The following CDHR1 variants were observed in gnomAD, a reference collection of about 807,000 sequenced individuals.
The protein encoded by CDHR1 is cadherin-related family member 1.
In CDHR1, 61 loss-of-function variants were observed where a neutral mutation model predicts 72.1. The observed-to-expected ratio is 0.85, with a 90% CI of 0.69 to 1.05. The LOEUF is 1.05. CDHR1 is among the 50% of genes least tolerant of loss of function. The pLI, the probability that CDHR1 is intolerant of heterozygous loss-of-function variation, is 0.00. For missense variants in CDHR1, 1,186 were observed against 1,115.7 expected (o/e 1.06, Z -0.90); for synonymous variants, 470 against 448.1 (o/e 1.05, Z -0.62).
At chr10:84,205,531 C>CACAT (rs1301686982) in intron 9 of CDHR1, among the ~76,000 whole-genome samples, 4 of 151,402 alleles carry the variant, frequency 2.6e-5, no homozygotes, top group African/African-American at 9.7e-5. Context: ...CACACACACA[C>CACAT]ACACACACAC....
chr10:84,215,931 TGAA>T lies in CDHR1; in HGVS notation c.*1314_*1316del, dbSNP rs1842419419. 1.0e-6 allele frequency: 1 copy of T among 985,302 alleles called. No individual in the cohort carries two copies. The highest frequency in any genetic ancestry group is 6.1e-5 in the Admixed American group (1 of 16,264). 61.0% of individuals were successfully genotyped at this position (985,302 alleles called of 1,614,324 possible). A position where few individuals can be genotyped will look rare whatever the true frequency, so the allele number is the denominator to read the frequency against. On this transcript the variant is annotated 3_prime_UTR_variant, in exon 17 of 17. Transcript: ENST00000623527. The stretch of plus-strand genomic sequence containing the variant: ...GCTCCAAGTCTTTAATTTGCCAAGA[TGAA>T]GAAAATGAGTTCTCAAGGAGGGAAT...
chr10:84,196,676 C>A (rs562055130), intron 3 of CDHR1, 26 bp downstream of exon 3: 10 of 1,613,806 alleles, frequency 6.2e-6, no homozygotes, highest in Non-Finnish European at 7.6e-6. Flanking sequence ...GGGAGTGCTG[C>A]GGGGCCACTG....
Position 84,218,139 on chromosome 10 carries a change from G to A in CDHR1, c.*3518G>A, listed in dbSNP as rs1001833137. ...CCTTGGCCACCAAGGGATGGAGAGG[G>A]AGAATGGAGAAGATGCCACATGAGG... On this transcript the variant is annotated 3_prime_UTR_variant, in exon 17 of 17. Transcript: ENST00000623527. The A allele has an allele frequency of 1.0e-6, 1 of 985,390 alleles. No homozygotes were observed. The highest frequency in any genetic ancestry group is 1.7e-5 in the African/African-American group (1 of 57,244). 61.0% of individuals were successfully genotyped at this position (985,390 alleles called of 1,614,324 possible).
chr10:84,210,985 T>G lies in CDHR1; in HGVS notation c.1321-16T>G. Reference sequence around the variant, plus strand: ...AGTGCCTACCCAGACAAGTCCCCATTTTCCCCCCTTCCCAGCTCCTGGCTG... The same window carrying G: ...AGTGCCTACCCAGACAAGTCCCCATGTTCCCCCCTTCCCAGCTCCTGGCTG... On this transcript the variant is annotated splice_polypyrimidine_tract_variant and intron_variant, in intron 12 of 16. Transcript: ENST00000623527. 1 of 1,614,128 alleles carries G rather than the reference T, an allele frequency of 6.2e-7. No homozygotes were observed. Among genetic ancestry groups the G allele is most frequent in the Non-Finnish European group, 8.5e-7 (1 of 1,179,986 alleles).
chr10:84,211,682 T>C lies in CDHR1; in HGVS notation c.1520T>C (p.Val507Ala). 6.2e-7 allele frequency: 1 copy of C among 1,613,882 alleles called. No individual in the cohort carries two copies. Among genetic ancestry groups the C allele is most frequent in the South Asian group, 1.1e-5 (1 of 91,078 alleles). Residue 507 changes from valine to alanine, a missense_variant, in exon 14 of 17, where the codon GTG becomes GCG. Coordinates refer to ENST00000623527, the MANE Select transcript of CDHR1 (RefSeq NM_033100.4). ...VDPDTGPWGE[V>A]KYSTYGTGAD... ...CCAGATACAGGACCCTGGGGCGAAG[T>C]GAAATATTCCACCTATGGGACTGGG...
Position 84,212,383 on chromosome 10 carries a change from G to T in CDHR1, c.1758G>T (p.Val586=). ...FGKSVQKKTM[V]LGTPVKIEAI... is the part of the protein sequence containing the mutation. ...AGAGCGTTCAGAAGAAGACGATGGTGCTAGGGACCCCAGTGAAAATTGAGG... is the reference window on the plus strand; with the variant it reads ...AGAGCGTTCAGAAGAAGACGATGGTTCTAGGGACCCCAGTGAAAATTGAGG... Residue 586 remains valine, a synonymous_variant, in exon 15 of 17, where the codon GTG becomes GTT. Coordinates refer to ENST00000623527, the MANE Select transcript of CDHR1 (RefSeq NM_033100.4). The T allele has an allele frequency of 6.2e-7, 1 of 1,614,220 alleles. No individual in the cohort carries two copies. The highest frequency in any genetic ancestry group is 8.5e-7 in the Non-Finnish European group (1 of 1,180,032).
At chr10:84,218,998 T>C (rs1324572783), downstream of CDHR1, 1 of 594,738 alleles carries the variant, frequency 1.7e-6, no homozygotes, top group African/African-American at 1.9e-5. Flanking sequence ...ATTACCAGAA[T>C]AACCCTATGA....
In CDHR1 at chr10:84,217,186, G is replaced by A. The variant is rs1842439177; in HGVS notation, c.*2565G>A. Reference sequence around the variant, plus strand: ...CCAGCCAAGTCCCTGTGTTACGAATGGTGGGCCAAGGGGCTGTCTGCTAGG... The same window carrying A: ...CCAGCCAAGTCCCTGTGTTACGAATAGTGGGCCAAGGGGCTGTCTGCTAGG... On this transcript the variant is annotated 3_prime_UTR_variant, in exon 17 of 17. Coordinates refer to ENST00000623527, the MANE Select transcript of CDHR1 (RefSeq NM_033100.4). The A allele has an allele frequency of 4.1e-6, 4 of 985,568 alleles. No homozygotes were observed. The highest frequency in any genetic ancestry group is 4.8e-6 in the Non-Finnish European group (4 of 830,016). The allele number at this position is 985,568 out of a possible 1,614,324, so 61.1% of individuals were successfully genotyped here.
At chr10:84,209,977 T>A (rs2132824440) in intron 12 of CDHR1, among the ~76,000 whole-genome samples, 1 of 152,326 alleles carries the variant, frequency 6.6e-6, no homozygotes, top group African/African-American at 2.4e-5. Flanking sequence ...TCCAGCACTT[T>A]GGGAGGCCGA....
intron 1 of CDHR1, 24 bp from the exon 2 acceptor site, chr10:84,195,470 G>A (rs1296557605): frequency 1.2e-6 from 2 of 1,605,264 alleles, no homozygotes; most frequent in Non-Finnish European, 1.7e-6. Flanking sequence ...CTGGGTGTCC[G>A]TCTGTTCTGT....
intron 10 of CDHR1, 39 bp from the exon 11 acceptor site, chr10:84,208,135 C>A: frequency 6.4e-7 from 1 of 1,573,296 alleles, no homozygotes; most frequent in Non-Finnish European, 8.7e-7. Context: ...ATGAAGGGTC[C>A]ACCTGCCACA....
In CDHR1 at chr10:84,216,008, C is replaced by G; in HGVS notation, c.*1387C>G. ...GGTTGGTAGCAAAGATCTTGTCTAG[C>G]CAGGGCAGCCCTTATCAGCTTGTGA... On this transcript the variant is annotated 3_prime_UTR_variant, in exon 17 of 17. Transcript: ENST00000623527. The G allele has an allele frequency of 7.1e-6, 7 of 985,422 alleles. No homozygotes were observed. Among genetic ancestry groups the G allele is most frequent in the Non-Finnish European group, 8.4e-6 (7 of 829,942 alleles). The allele number at this position is 985,422 out of a possible 1,614,324, so 61.0% of individuals were successfully genotyped here. A position where few individuals can be genotyped will look rare whatever the true frequency, so the allele number is the denominator to read the frequency against.
intron 7 of CDHR1, 36 bp downstream of exon 7, chr10:84,201,956 C>G: frequency 5.3e-6 from 8 of 1,519,074 alleles, no homozygotes; most frequent in South Asian, 1.1e-5. Flanking sequence ...CCAGTGTCTC[C>G]TCAGCCCTTG....
chr10:84,204,196 G>T (rs1228145049), intron 8 of CDHR1, among the ~76,000 whole-genome samples: 1 of 152,202 alleles, frequency 6.6e-6, no homozygotes, highest in Non-Finnish European at 1.5e-5. Context: ...TGAAAGTAAG[G>T]CTAGAGGTTA....
At chr10:84,218,792 A>G, downstream of CDHR1, 2 of 1,008,506 alleles carry the variant, frequency 2.0e-6, no homozygotes, top group Non-Finnish European at 2.4e-6. Context: ...ATTTATAAGT[A>G]TACACACATA....
rs766894087 is a variant in CDHR1 at position 84,213,169 on chromosome 10, G to A, written c.1861G>A (p.Asp621Asn). 3.8e-5 allele frequency: 62 copies of A among 1,614,088 alleles called. No individual in the cohort carries two copies. Among genetic ancestry groups the A allele is most frequent in the Non-Finnish European group, 4.9e-5 (58 of 1,180,058 alleles). The stretch of plus-strand genomic sequence containing the variant: ...CCATGCAGAGCCCGCCAACGTGTTC[G>A]ACATCAATTCCCACACGGGGGAGAT... Reference protein sequence around the residue: ...ITHAEPANVFDINSHTGEIWL... With the variant: ...ITHAEPANVFNINSHTGEIWL... Residue 621 changes from aspartate to asparagine, a missense_variant, in exon 16 of 17, where the codon GAC becomes AAC. Coordinates refer to ENST00000623527, the MANE Select transcript of CDHR1 (RefSeq NM_033100.4).
chr10:84,194,739 G>T lies in CDHR1; in HGVS notation c.-22G>T. On this transcript the variant is annotated 5_prime_UTR_variant, in exon 1 of 17. Coordinates refer to ENST00000623527, the MANE Select transcript of CDHR1 (RefSeq NM_033100.4). ...GCGCCCGGTCTCGGCGGCGGCAGGC[G>T]ACACTCCGCGCCGGCGGAGACATGA... 1.3e-6 allele frequency: 2 copies of T among 1,485,330 alleles called. No homozygotes were observed. Among genetic ancestry groups the T allele is most frequent in the South Asian group, 1.3e-5 (1 of 76,906 alleles). The allele number at this position is 1,485,330 out of a possible 1,614,324, so 92.0% of individuals were successfully genotyped here. A position where few individuals can be genotyped will look rare whatever the true frequency, so the allele number is the denominator to read the frequency against.
intron 16 of CDHR1, 132 bp downstream of exon 16, chr10:84,213,480 G>A (rs1842374687): frequency 4.1e-6 from 5 of 1,225,512 alleles, no homozygotes; most frequent in Non-Finnish European, 5.9e-6. Flanking sequence ...AAGGCAGCCT[G>A]TGCCATCAAA....
intron 14 of CDHR1, 114 bp from the exon 15 acceptor site, chr10:84,212,065 G>T: frequency 1.1e-6 from 1 of 922,972 alleles, no homozygotes; most frequent in Non-Finnish European, 1.8e-6. Flanking sequence ...CTTTGGAGGA[G>T]CTGCATGACA....
Sources: gnomAD v4.1 joint callset for allele counts (sites outside exome capture counted in the v4.1 genomes callset) on GRCh38, gnomAD v4.1.1 for gene constraint, MANE v1.5 for transcripts, NCBI Gene and HGNC (gene_info 2026-07-23, HGNC 2026-07-21) for gene names.